Variants in ANKFN1 observed in about 807,000 individuals in gnomAD.
The protein encoded by ANKFN1 is ankyrin repeat and fibronectin type III domain containing 1.
Under a neutral mutation model 108.7 loss-of-function variants are expected in ANKFN1, and 74 were observed. The observed-to-expected ratio is 0.68, with a 90% CI of 0.56 to 0.83. ANKFN1 has a LOEUF of 0.83. Ranked by LOEUF, ANKFN1 falls within the 40% of genes least tolerant of loss-of-function variation. ANKFN1 has a pLI of 0.00. For missense variants in ANKFN1, 1,505 were observed against 1,382.3 expected (o/e 1.09, Z -1.41); for synonymous variants, 547 against 516.2 (o/e 1.06, Z -0.81).
In ANKFN1 at chr17:56,350,900, A is replaced by C; in HGVS notation, c.323A>C (p.His108Pro). 1 of 1,613,516 alleles carries C rather than the reference A, an allele frequency of 6.2e-7. No individual in the cohort carries two copies. Among genetic ancestry groups the C allele is most frequent in the Non-Finnish European group, 8.5e-7 (1 of 1,179,820 alleles). ...CTCTCTGAGAAACTGAAAGGGAGCC[A>C]CTCTTCCTTCGATGAGGCCTATTTT... ...RNLSEKLKGSHSSFDEAYFRT... is the reference protein window; with the variant it reads ...RNLSEKLKGSPSSFDEAYFRT... The change falls in exon 5 of 21, where the codon CAC becomes CCC. Residue 108 changes from histidine (H) to proline (P), a missense_variant. Transcript: ENST00000682825.
chr17:56,350,575 G>C (rs1014034163), intron 4 of ANKFN1, among the ~76,000 whole-genome samples, 191 bp from the exon 5 acceptor site: 2 of 152,054 alleles, frequency 1.3e-5, no homozygotes, highest in Non-Finnish European at 2.9e-5. Flanking sequence ...CCATGAGTAA[G>C]CTGCTTCCTT....
rs752928598 is a variant in ANKFN1, at chr17:56,353,977, G to T, written c.532G>T (p.Ala178Ser). Residue 178 changes from alanine (A) to serine (S), a missense_variant, in exon 6 of 21, where the codon GCC becomes TCC. Physicochemically the swap from Ala to Ser is moderately conservative, Grantham distance 99. Transcript: ENST00000682825. ...CGAGGGCTTGACACCCCTGGATATT[G>T]CCATCATGACCAACAATGTGCCCAT... is the stretch of plus-strand genomic sequence containing the variant. ...NSEGLTPLDI[A>S]IMTNNVPIAR... 1.2e-6 allele frequency: 2 copies of T among 1,613,926 alleles called. No homozygotes were observed. The highest frequency in any genetic ancestry group is 1.7e-5 in the Admixed American group (1 of 59,970).
At chr17:56,151,946 A>G (rs1908649334), upstream of ANKFN1, among the ~76,000 whole-genome samples, 2 of 152,286 alleles carry the variant, frequency 1.3e-5, no homozygotes, top group African/African-American at 4.8e-5. Flanking sequence ...GAGTATATGT[A>G]TCATGCACTT....
chr17:56,170,807 T>TATATATATATATACACACAC (rs1361307404), intron 1 of ANKFN1, among the ~76,000 whole-genome samples: 49 of 61,436 alleles, frequency 8.0e-4, no homozygotes, highest in African/African-American at 2.0e-3. Flanking sequence ...TATATATATA[T>TATATATATATATACACACAC]ACACACACAC....
Position 56,157,108 on chromosome 17 carries a change from G to A in ANKFN1, c.-71+3578G>A, listed in dbSNP as rs114353253. On this transcript the variant is annotated intron_variant, in intron 1 of 20. Transcript: ENST00000682825. ...TTTTGAGGAGAGCACTGTACTGGTA[G>A]AATATTGCAGTGAGAGATCTCAGGC... 9.8e-3 allele frequency among the ~76,000 whole-genome samples: 1,490 copies of A among 152,290 alleles called. 17 individuals are homozygous for A. The highest frequency in any genetic ancestry group is 0.033 in the African/African-American group (1,388 of 41,544).
upstream of ANKFN1, among the ~76,000 whole-genome samples, chr17:56,150,860 A>AC (rs75766859): frequency 0.66 from 99,596 of 151,902 alleles, 33,173 homozygotes; most frequent in East Asian, 0.94. Context: ...CACTTGAGTC[A>AC]ATATTGGCAA....
chr17:56,419,440 G>A (rs376331980), intron 8 of ANKFN1, among the ~76,000 whole-genome samples: 5 of 150,368 alleles, frequency 3.3e-5, no homozygotes, highest in African/African-American at 1.2e-4. Context: ...CCGAGATCCC[G>A]CCATTGCACT....
intron 20 of ANKFN1, among the ~76,000 whole-genome samples, chr17:56,503,701 C>T (rs1392621597): frequency 1.3e-5 from 2 of 151,844 alleles, no homozygotes; most frequent in Non-Finnish European, 2.9e-5. Flanking sequence ...TCCACATCAA[C>T]TCTACTCTGC....
At chr17:56,242,967 T>G (rs1486506239) in intron 3 of ANKFN1, among the ~76,000 whole-genome samples, 3 of 152,152 alleles carry the variant, frequency 2.0e-5, no homozygotes, top group African/African-American at 4.8e-5. Context: ...TGTGAAATAT[T>G]CATAGATTTT....
intron 19 of ANKFN1, among the ~76,000 whole-genome samples, chr17:56,497,660 C>A (rs560634742): frequency 1.3e-5 from 2 of 152,204 alleles, no homozygotes; most frequent in South Asian, 4.2e-4. Context: ...AGAGATTAAC[C>A]TTGCATGACT....
At chr17:56,359,653 A>G (rs1370219607) in intron 6 of ANKFN1, among the ~76,000 whole-genome samples, 1 of 152,182 alleles carries the variant, frequency 6.6e-6, no homozygotes, top group Non-Finnish European at 1.5e-5. Context: ...TGCAGACACC[A>G]GTGTTACAAT....
intron 3 of ANKFN1, among the ~76,000 whole-genome samples, chr17:56,253,699 G>A (rs535743302): frequency 5.3e-5 from 8 of 152,166 alleles, no homozygotes; most frequent in Admixed American, 3.3e-4. Context: ...AGATCACCCC[G>A]CTGCACTCCA....
chr17:56,495,907 G>A (rs1378629006), intron 19 of ANKFN1, among the ~76,000 whole-genome samples: 3 of 152,020 alleles, frequency 2.0e-5, no homozygotes, highest in East Asian at 1.9e-4. Context: ...TATAATTTAC[G>A]AGATGAAAAC....
chr17:56,346,404 AT>A (rs937928243), intron 4 of ANKFN1, among the ~76,000 whole-genome samples: 1 of 151,788 alleles, frequency 6.6e-6, no homozygotes, highest in Non-Finnish European at 1.5e-5. Context: ...AATTTAAATT[AT>A]TTTTTTCTAA....
At chr17:56,405,070 G>T (rs1410012738) in intron 8 of ANKFN1, among the ~76,000 whole-genome samples, 1 of 152,218 alleles carries the variant, frequency 6.6e-6, no homozygotes, top group Non-Finnish European at 1.5e-5. Context: ...GTGGTGGTGG[G>T]GGGTAGTGCA....
intron 8 of ANKFN1, among the ~76,000 whole-genome samples, chr17:56,413,824 A>T (rs185216168): frequency 2.4e-4 from 36 of 152,054 alleles, no homozygotes; most frequent in Non-Finnish European, 2.5e-4. Flanking sequence ...GGTTCAAGCG[A>T]TTCTCCTTCC....
chr17:56,199,321 A>G (rs1206482140), intron 1 of ANKFN1, among the ~76,000 whole-genome samples: 1 of 150,410 alleles, frequency 6.6e-6, no homozygotes, highest in Non-Finnish European at 1.5e-5. Flanking sequence ...ATACTTTATG[A>G]CCTTACTGAA....
chr17:56,382,626 G>A (rs1433756164), intron 8 of ANKFN1, among the ~76,000 whole-genome samples: 1 of 152,128 alleles, frequency 6.6e-6, no homozygotes, highest in Non-Finnish European at 1.5e-5. Flanking sequence ...ATAAAAGGAT[G>A]GAGGAAGATC....
At chr17:56,466,320 T>C in intron 14 of ANKFN1, 36 bp from the exon 15 acceptor site, 1 of 1,555,250 alleles carries the variant, frequency 6.4e-7, no homozygotes, top group Non-Finnish European at 8.9e-7. Flanking sequence ...GTTAGCATAA[T>C]ACCCTCTATG....
Sources: allele counts gnomAD v4.1 joint callset (sites outside exome capture counted in the v4.1 genomes callset), GRCh38; gene constraint gnomAD v4.1.1; transcripts MANE v1.5; gene names NCBI Gene and HGNC (gene_info 2026-07-23, HGNC 2026-07-21).